SCARA5: variants seen among roughly 807,000 people sequenced by gnomAD.
SCARA5 encodes the protein scavenger receptor class A member 5.
SCARA5 carries 45 observed loss-of-function variants against 46.3 expected under a neutral mutation model. That is an observed-to-expected ratio of 0.97 (90% CI 0.76 to 1.24). SCARA5 has a LOEUF of 1.24. Among genes scored for constraint, SCARA5 ranks in the 50% most tolerant of loss-of-function variants. SCARA5 has a pLI of 0.00. For missense variants in SCARA5, 680 were observed against 689.0 expected (o/e 0.99, Z 0.15); for synonymous variants, 333 against 306.5 (o/e 1.09, Z -0.90).
chr8:27,882,985 G>A (rs146858829), intron 7 of SCARA5, among the ~76,000 whole-genome samples: 250 of 152,276 alleles, frequency 1.6e-3, no homozygotes, highest in Non-Finnish European at 3.1e-3. Context: ...TACACTGCAG[G>A]ACTGTCATGC....
In SCARA5 at chr8:27,929,841, G is replaced by T. The variant is rs1029821055; in HGVS notation, c.242-7596C>A. Among the ~76,000 whole-genome samples, 4 of 152,156 alleles carry T rather than the reference G, an allele frequency of 2.6e-5. No homozygotes were observed. In the East Asian group the frequency reaches 7.7e-4, roughly 29 times the overall value. ...CCCAGCACACTTACAATGTAGAATT[G>T]TTATGCCCATTTTCAGATGGAGAAA... On this transcript the variant is annotated intron_variant, in intron 3 of 8. Coordinates refer to ENST00000354914, the MANE Select transcript of SCARA5 (RefSeq NM_173833.6).
At chr8:27,984,086 C>T (rs1055223564) in intron 2 of SCARA5, among the ~76,000 whole-genome samples, 5 of 152,130 alleles carry the variant, frequency 3.3e-5, no homozygotes, top group Non-Finnish European at 2.9e-5. Flanking sequence ...CCCATCTCTT[C>T]CCAACTTCCC....
chr8:27,909,674 G>A lies in SCARA5; in HGVS notation c.986C>T (p.Pro329Leu). The A allele has an allele frequency of 1.9e-6, 3 of 1,550,322 alleles. No homozygotes were observed. The highest frequency in any genetic ancestry group is 1.4e-5 in the African/African-American group (1 of 73,088). ...KEGRPGIPGL[P>L]GLRGLPGERG... is the part of the protein sequence containing the mutation. The stretch of plus-strand genomic sequence containing the variant: ...GGCACGCTCATTACCTCGAAGTCCA[G>A]GCAATCCAGGGATGCCAGGCCTGCC... Residue 329 changes from proline (P) to leucine (L), a missense_variant, in exon 5 of 9, where the codon CCT becomes CTT. Around this residue, in one of 3 missense-constraint regions of SCARA5, gnomAD observed 219 missense variants for 269.5 expected, o/e 0.81. Transcript: ENST00000354914.
chr8:27,958,790 C>T (rs1445743801), intron 3 of SCARA5, among the ~76,000 whole-genome samples: 1 of 152,174 alleles, frequency 6.6e-6, no homozygotes, highest in East Asian at 1.9e-4. Context: ...GGCACTGACA[C>T]GCAATGGGGG....
At chr8:27,918,210 C>T (rs1457109301) in intron 4 of SCARA5, among the ~76,000 whole-genome samples, 1 of 152,174 alleles carries the variant, frequency 6.6e-6, no homozygotes, top group East Asian at 1.9e-4. Flanking sequence ...CATTACCAGC[C>T]ATGAGGCCTT....
At chr8:27,915,971 C>G (rs1242130287) in intron 4 of SCARA5, among the ~76,000 whole-genome samples, 1 of 152,236 alleles carries the variant, frequency 6.6e-6, no homozygotes, top group Non-Finnish European at 1.5e-5. Context: ...TGCCTCCCCT[C>G]TCTGGTTACC....
intron 3 of SCARA5, among the ~76,000 whole-genome samples, chr8:27,950,521 C>T (rs1056301515): frequency 6.6e-6 from 1 of 152,192 alleles, no homozygotes; most frequent in Non-Finnish European, 1.5e-5. Flanking sequence ...TCTCCCAGAA[C>T]AGCCCAAAGG....
intron 2 of SCARA5, among the ~76,000 whole-genome samples, chr8:27,979,246 A>G (rs548428513): frequency 2.6e-5 from 4 of 152,308 alleles, no homozygotes; most frequent in African/African-American, 9.6e-5. Flanking sequence ...TATTTGACAG[A>G]AAAAACAGAA....
At chr8:27,984,621 C>T (rs1478907225) in intron 2 of SCARA5, among the ~76,000 whole-genome samples, 2 of 152,032 alleles carry the variant, frequency 1.3e-5, no homozygotes, top group East Asian at 3.9e-4. Context: ...TCCATCCATG[C>T]ATCCATCCAT....
chr8:27,983,445 C>T (rs1808654362), intron 2 of SCARA5, among the ~76,000 whole-genome samples: 1 of 152,180 alleles, frequency 6.6e-6, no homozygotes, highest in South Asian at 2.1e-4. Context: ...GTTCCAAATC[C>T]AGAAGTGAGG....
intron 1 of SCARA5, among the ~76,000 whole-genome samples, chr8:27,989,543 G>C (rs767797002): frequency 6.6e-6 from 1 of 152,308 alleles, no homozygotes; most frequent in Non-Finnish European, 1.5e-5. Context: ...ACCCAGGAGG[G>C]CTGGACGCCT....
chr8:27,919,903 G>A (rs942071484), intron 4 of SCARA5, among the ~76,000 whole-genome samples: 1 of 149,072 alleles, frequency 6.7e-6, no homozygotes, highest in Non-Finnish European at 1.5e-5. Flanking sequence ...CTAGATGCTC[G>A]CAATGGTATT....
intron 3 of SCARA5, among the ~76,000 whole-genome samples, chr8:27,932,278 C>A (rs1182113526): frequency 6.6e-6 from 1 of 152,172 alleles, no homozygotes; most frequent in Non-Finnish European, 1.5e-5. Context: ...CCATGCCCAG[C>A]CTGAGAACCT....
intron 8 of SCARA5, among the ~76,000 whole-genome samples, chr8:27,876,223 C>T (rs1245319251): frequency 2.6e-5 from 4 of 152,138 alleles, no homozygotes; most frequent in East Asian, 1.9e-4. Context: ...TCTTCAATAG[C>T]GGAAGAACTG....
chr8:27,907,328 C>T (rs1563520237), intron 5 of SCARA5, 82 bp from the exon 6 acceptor site: 2 of 920,672 alleles, frequency 2.2e-6, no homozygotes, highest in East Asian at 2.6e-5. Flanking sequence ...GTTCAAGGCT[C>T]AGCCTCCCCC....
At chr8:27,968,001 G>A (rs1808395569) in intron 2 of SCARA5, among the ~76,000 whole-genome samples, 1 of 152,114 alleles carries the variant, frequency 6.6e-6, no homozygotes, top group African/African-American at 2.4e-5. Context: ...TAAAATAATT[G>A]ATATTTAGAA....
intron 7 of SCARA5, among the ~76,000 whole-genome samples, chr8:27,880,748 G>A (rs560662903): frequency 1.3e-5 from 2 of 151,608 alleles, no homozygotes; most frequent in African/African-American, 2.4e-5. Flanking sequence ...CTAGCTACTC[G>A]GGAGGCTGAG....
intron 3 of SCARA5, among the ~76,000 whole-genome samples, chr8:27,965,909 C>G (rs1405749071): frequency 6.6e-6 from 1 of 152,176 alleles, no homozygotes; most frequent in Non-Finnish European, 1.5e-5. Flanking sequence ...AACATGCTAG[C>G]CCTAGCCCAT....
intron 5 of SCARA5, among the ~76,000 whole-genome samples, chr8:27,908,647 A>G (rs907540542): frequency 1.3e-5 from 2 of 152,168 alleles, no homozygotes; most frequent in African/African-American, 4.8e-5. Context: ...CTAATACAAC[A>G]TATCTGTTCC....
Sources: gnomAD v4.1 joint callset for allele counts (sites outside exome capture counted in the v4.1 genomes callset) on GRCh38, gnomAD v4.1.1 for gene constraint, gnomAD v4.1.1 regional missense constraint, MANE v1.5 for transcripts, NCBI Gene and HGNC (gene_info 2026-07-23, HGNC 2026-07-21) for gene names.